The following THEMIS2 variants were observed in gnomAD, a reference collection of about 807,000 sequenced individuals.
THEMIS2 encodes thymocyte selection associated family member 2, also known as protein THEMIS2.
Under a neutral mutation model 46.8 loss-of-function variants are expected in THEMIS2, and 29 were observed. The observed-to-expected ratio is 0.62, with a 90% CI of 0.46 to 0.84. The LOEUF is 0.84. Ranked by LOEUF, THEMIS2 falls within the 40% of genes least tolerant of loss-of-function variation. THEMIS2 has a pLI of 0.00. For synonymous variants in THEMIS2, 335 were observed against 349.1 expected, an observed-to-expected ratio of 0.96 and a Z score of 0.45; for missense variants, 698 against 834.7, an observed-to-expected ratio of 0.84 and a Z score of 2.02.
rs1459180220 is a variant in THEMIS2, at chr1:27,886,160, CAG to C, written c.*241_*242del. 2 of 539,810 alleles carry C rather than the reference CAG, an allele frequency of 3.7e-6. No individual in the cohort carries two copies. The highest frequency in any genetic ancestry group is 3.8e-5 in the African/African-American group (2 of 52,510). The allele number at this position is 539,810 out of a possible 1,614,324, so 33.4% of individuals were successfully genotyped here. On this transcript the variant is annotated 3_prime_UTR_variant, in exon 6 of 6. Transcript: ENST00000373921. The stretch of plus-strand genomic sequence containing the variant: ...ATCTCGCACGTGACTCCCTCAGCCT[CAG>C]AGCCTTGGGATGCAGAGCAGCTGGC...
chr1:27,882,944 G>A lies in THEMIS2; in HGVS notation c.1620G>A (p.Arg540=), dbSNP rs779414087. Residue 540 remains arginine, a synonymous_variant, in exon 4 of 6, where the codon CGG becomes CGA. Transcript: ENST00000373921. This position sits in a 1 kb window ranked among gnomAD's most constrained non-coding sequence, Gnocchi z 7.6. ...CAGACACCTTCTATTATCGTCTTCG[G>A]AAGTTACCAGCCTGTGAGATCCAAG... ...ELTDTFYYRL[R]KLPACEIQAP... 148 of 1,613,734 alleles carry A rather than the reference G, an allele frequency of 9.2e-5. 2 individuals carry two copies. In the South Asian group the frequency reaches 1.6e-3, roughly 18 times the overall value.
intron 3 of THEMIS2, among the ~76,000 whole-genome samples, chr1:27,881,361 G>A (rs1320217233): frequency 1.3e-5 from 2 of 151,518 alleles, no homozygotes; most frequent in Non-Finnish European, 2.9e-5. Context: ...TGAGGCAGGA[G>A]AATGGCGTGA....
chr1:27,880,167 C>G (rs2089656089), intron 3 of THEMIS2, 113 bp downstream of exon 3: 6 of 1,232,258 alleles, frequency 4.9e-6, no homozygotes, highest in Non-Finnish European at 3.3e-6. Context: ...TCAGCTGGAA[C>G]TTCAGGTTGC....
At position 27,879,775 on chromosome 1, in the gene THEMIS2, G is replaced by C; in HGVS notation, c.367G>C (p.Val123Leu). Residue 123 changes from valine to leucine, a missense_variant, in exon 3 of 6, where the codon GTG becomes CTG. Coordinates refer to ENST00000373921, the MANE Select transcript of THEMIS2 (RefSeq NM_001105556.3). The part of the protein sequence containing the change: ...STHRIVTEGR[V>L]VTEDQLLMLE... ...CCACAGGATTGTCACAGAGGGCAGG[G>C]TGGTGACTGAGGACCAGCTCCTCAT... The C allele has an allele frequency of 6.2e-7, 1 of 1,614,154 alleles. No homozygotes were observed. The highest frequency in any genetic ancestry group is 8.5e-7 in the Non-Finnish European group (1 of 1,180,002).
rs1363056921 is a variant in THEMIS2 at position 27,882,301 on chromosome 1, G to A, written c.977G>A (p.Arg326Gln). 6 of 1,599,660 alleles carry A rather than the reference G, an allele frequency of 3.8e-6. No individual in the cohort carries two copies. Among genetic ancestry groups the A allele is most frequent in the East Asian group, 2.2e-5 (1 of 44,640 alleles). Residue 326 changes from arginine (R) to glutamine (Q), a missense_variant, in exon 4 of 6, where the codon CGG (arginine) becomes CAG (glutamine). Physicochemically the swap from Arg to Gln is conservative, Grantham distance 43. Coordinates refer to ENST00000373921, the MANE Select transcript of THEMIS2 (RefSeq NM_001105556.3). The surrounding 1 kb of genome is among the most constrained non-coding windows in gnomAD (Gnocchi z 7.6). ...VSGGYQGKLR[R>Q]RPREFPTAYD... ...GGGGGCTACCAAGGCAAGCTGCGGCGGCGGCCAAGGGAGTTCCCCACGGCC... is the reference window on the plus strand; with the variant it reads ...GGGGGCTACCAAGGCAAGCTGCGGCAGCGGCCAAGGGAGTTCCCCACGGCC...
At position 27,886,350 on chromosome 1, in the gene THEMIS2, A is replaced by G. The variant is rs948798997; in HGVS notation, c.*428A>G. 5 of 209,178 alleles carry G rather than the reference A, an allele frequency of 2.4e-5. No individual in the cohort carries two copies. The highest frequency in any genetic ancestry group is 2.2e-4 in the Admixed American group (4 of 18,318). 13.0% of individuals were successfully genotyped at this position (209,178 alleles called of 1,614,324 possible). A position where few individuals can be genotyped will look rare whatever the true frequency, so the allele number is the denominator to read the frequency against. ...CCCCCACTCTCACCCCCAAGCTCTA[A>G]GCCCCCGGGAGGCCTGGACTGTCTT... On this transcript the variant is annotated 3_prime_UTR_variant, in exon 6 of 6. Coordinates refer to ENST00000373921, the MANE Select transcript of THEMIS2 (RefSeq NM_001105556.3).
chr1:27,878,287 G>A (rs2089617851), intron 2 of THEMIS2, among the ~76,000 whole-genome samples: 1 of 151,448 alleles, frequency 6.6e-6, no homozygotes, highest in African/African-American at 2.4e-5. Context: ...TGGGGGCTAT[G>A]TGGTGTGCTG....
chr1:27,880,591 C>G (rs1196232143), intron 3 of THEMIS2, among the ~76,000 whole-genome samples: 1 of 152,148 alleles, frequency 6.6e-6, no homozygotes, highest in Middle Eastern at 3.2e-3. Flanking sequence ...GTGTTCCAGA[C>G]CAGACTAGGC....
chr1:27,877,734 TCCTCTCTGGG>T (rs1338345303), intron 2 of THEMIS2, among the ~76,000 whole-genome samples: 1 of 152,208 alleles, frequency 6.6e-6, no homozygotes, highest in Non-Finnish European at 1.5e-5. Flanking sequence ...CTAGGCAGGT[TCCTCTCTGGG>T]CCTCTCTGGG....
rs1381167753 is a variant in THEMIS2 at position 27,882,558 on chromosome 1, G to C, written c.1234G>C (p.Glu412Gln). ...AGEDEEEECK[E>Q]EAESPERVLL... is the part of the protein sequence containing the mutation. ...GGAGGATGAGGAGGAAGAGTGCAAA[G>C]AGGAGGCAGAGAGCCCAGAGCGGGT... The change falls in exon 4 of 6, where the codon GAG (glutamate) becomes CAG (glutamine). Residue 412 changes from glutamate to glutamine, a missense_variant. Transcript: ENST00000373921. This position sits in a 1 kb window ranked among gnomAD's most constrained non-coding sequence, Gnocchi z 7.6. 1.2e-6 allele frequency: 2 copies of C among 1,614,202 alleles called. No individual in the cohort carries two copies. The highest frequency in any genetic ancestry group is 8.5e-7 in the Non-Finnish European group (1 of 1,180,034).
chr1:27,878,099 C>CAATA (rs2089613303), intron 2 of THEMIS2, among the ~76,000 whole-genome samples: 1 of 113,626 alleles, frequency 8.8e-6, no homozygotes, highest in African/African-American at 3.6e-5. Context: ...GCAGCCTGTG[C>CAATA]AATAGAGAGA....
chr1:27,880,080 GC>G (rs2089654416), intron 3 of THEMIS2, 26 bp downstream of exon 3: 5 of 1,559,088 alleles, frequency 3.2e-6, no homozygotes, highest in Non-Finnish European at 4.4e-6. Context: ...AGATGGATGC[GC>G]GCTGCTGGGG....
intron 1 of THEMIS2, among the ~76,000 whole-genome samples, chr1:27,875,679 TTTAA>T (rs1044876191): frequency 2.6e-5 from 4 of 152,198 alleles, no homozygotes; most frequent in African/African-American, 9.6e-5. Flanking sequence ...ACTTACACAC[TTTAA>T]TTAATTAATT....
rs2089770230 is a variant in THEMIS2 at position 27,886,247 on chromosome 1, G to A, written c.*325G>A. 1 of 370,200 alleles carries A rather than the reference G, an allele frequency of 2.7e-6. No homozygotes were observed. Among genetic ancestry groups the A allele is most frequent in the Non-Finnish European group, 5.0e-6 (1 of 198,216 alleles). 22.9% of individuals were successfully genotyped at this position (370,200 alleles called of 1,614,324 possible). On this transcript the variant is annotated 3_prime_UTR_variant, in exon 6 of 6. Transcript: ENST00000373921. ...CACCGGTGGATGCAGAGGGGAATCC[G>A]AGGCCATCAACCTTGGTGACAGCAG... is the stretch of plus-strand genomic sequence containing the variant.
chr1:27,876,783 G>A (rs1447162772), intron 2 of THEMIS2, 55 bp downstream of exon 2: 10 of 1,587,676 alleles, frequency 6.3e-6, no homozygotes, highest in African/African-American at 2.7e-5. Context: ...TGGCACACCC[G>A]CAGGCTGCTC....
chr1:27,879,311 A>G (rs2089637533), intron 2 of THEMIS2, among the ~76,000 whole-genome samples: 1 of 152,208 alleles, frequency 6.6e-6, no homozygotes, highest in Admixed American at 6.5e-5. Context: ...GATGGCAGTT[A>G]GAGGCAGGTA....
rs545631594 is a variant in THEMIS2, at chr1:27,876,845, A to G, written c.235+117A>G. ...TCCCTCCCCTCGGGGTTTGCTCCCG[A>G]GGCCCTCACATTCACCACAACCCAG... On this transcript the variant is annotated intron_variant, in intron 2 of 5. Transcript: ENST00000373921. 4.4e-5 allele frequency: 57 copies of G among 1,286,658 alleles called. No individual in the cohort carries two copies. The African/African-American group carries it at 6.8e-4, about 15-fold the overall frequency. 79.7% of individuals were successfully genotyped at this position (1,286,658 alleles called of 1,614,324 possible). A position where few individuals can be genotyped will look rare whatever the true frequency, so the allele number is the denominator to read the frequency against.
chr1:27,885,084 T>G, intron 4 of THEMIS2: 1 of 518,800 alleles, frequency 1.9e-6, no homozygotes, highest in Non-Finnish European at 3.4e-6. Context: ...CCCAACCCTA[T>G]CCTCATTTTC....
At chr1:27,880,620 T>C (rs981061077) in intron 3 of THEMIS2, among the ~76,000 whole-genome samples, 5 of 152,170 alleles carry the variant, frequency 3.3e-5, no homozygotes, top group African/African-American at 4.8e-5. Context: ...AAGACCCCCA[T>C]CTCTACAAAA....
Sources: gnomAD v4.1 joint callset for allele counts (sites outside exome capture counted in the v4.1 genomes callset) on GRCh38, gnomAD v4.1.1 for gene constraint, Gnocchi (gnomAD v3.1) non-coding constraint, MANE v1.5 for transcripts, NCBI Gene and HGNC (gene_info 2026-07-23, HGNC 2026-07-21) for gene names.